LEPR: variants seen among roughly 807,000 people sequenced by gnomAD.
LEPR encodes OB receptor.
In LEPR, 56 loss-of-function variants were observed where a neutral mutation model predicts 114.7. That is an observed-to-expected ratio of 0.49 (90% CI 0.39 to 0.61). The LOEUF (loss-of-function observed/expected upper bound fraction) is 0.61, where lower values mean the gene tolerates loss of function less well. Ranked by LOEUF, LEPR falls within the 20% of genes least tolerant of loss-of-function variation. LEPR has a pLI of 0.00. For missense variants in LEPR, 1,202 were observed against 1,352.9 expected (o/e 0.89, Z 1.75); for synonymous variants, 443 against 461.4 (o/e 0.96, Z 0.51).
chr1:65,481,720 A>T (rs1182367727), intron 2 of LEPR, among the ~76,000 whole-genome samples: 2 of 151,924 alleles, frequency 1.3e-5, no homozygotes, highest in African/African-American at 4.8e-5. Context: ...ATACATCATT[A>T]TCAAGTTCAA....
At chr1:65,546,632 T>A (rs1651752936) in intron 2 of LEPR, among the ~76,000 whole-genome samples, 3 of 152,230 alleles carry the variant, frequency 2.0e-5, no homozygotes, top group Admixed American at 1.3e-4. Context: ...TGTATAAGAA[T>A]GCTTGCGATT....
chr1:65,474,311 C>G (rs570916901), intron 2 of LEPR, among the ~76,000 whole-genome samples: 3 of 152,288 alleles, frequency 2.0e-5, no homozygotes, highest in African/African-American at 7.2e-5. Context: ...TAGCCTTTCC[C>G]CAGTGTACTT....
chr1:65,547,530 T>A (rs1249948885), intron 2 of LEPR, among the ~76,000 whole-genome samples: 2 of 152,020 alleles, frequency 1.3e-5, no homozygotes, highest in Non-Finnish European at 2.9e-5. Flanking sequence ...CCTGATTTAG[T>A]CTTGGGAGAG....
intron 8 of LEPR, among the ~76,000 whole-genome samples, chr1:65,600,318 TG>T (rs939106180): frequency 2.0e-5 from 3 of 152,144 alleles, no homozygotes; most frequent in Middle Eastern, 3.2e-3. Context: ...GTCTGGCTCC[TG>T]TGCAGTAATT....
chr1:65,531,503 T>G (rs1017026812), intron 2 of LEPR, among the ~76,000 whole-genome samples: 24 of 151,970 alleles, frequency 1.6e-4, no homozygotes, highest in African/African-American at 4.8e-4. Flanking sequence ...TAAAATACTG[T>G]GTGACTTTCT....
Position 65,618,739 on chromosome 1 carries a change from A to G in LEPR, c.2395+593A>G, listed in dbSNP as rs182882007. On this transcript the variant is annotated intron_variant, in intron 16 of 19. Coordinates refer to ENST00000349533, the MANE Select transcript of LEPR (RefSeq NM_002303.6). ...ATCATATCATATCAATTTTCTCCTC[A>G]TTTCTTTCTACCATTATTTTTAATG... 9.3e-4 allele frequency among the ~76,000 whole-genome samples: 141 copies of G among 152,062 alleles called. No homozygotes were observed. In the East Asian group the frequency reaches 0.011, roughly 12 times the overall value.
Position 65,601,847 on chromosome 1 carries a change from C to A in LEPR, c.1290C>A (p.Val430=). ...HRYAELYVID[V]NINISCETDG... is the part of the protein sequence containing the mutation. ...ATTTTAATATGTTTCAAATAGATGT[C>A]AATATCAATATCTCATGTGAAACTG... Residue 430 remains valine, a synonymous_variant, in exon 10 of 20, where the codon GTC becomes GTA. Transcript: ENST00000349533. The A allele has an allele frequency of 6.2e-7, 1 of 1,611,734 alleles. No individual in the cohort carries two copies. The highest frequency in any genetic ancestry group is 1.1e-5 in the South Asian group (1 of 90,902).
At position 65,488,226 on chromosome 1, in the gene LEPR, C is replaced by CTCTCTCTCTCTCTCTTTCTT. The variant is rs1553157734; in HGVS notation, c.-21+62851_-21+62852insCTCTCTCTCTCTTTCTTTCT. ...TTTCTTTCTTTCTCTCTCTCTCTCT[C>CTCTCTCTCTCTCTCTTTCTT]TCTTTCTTTCTTTCTTTCTTTCTTT... On this transcript the variant is annotated intron_variant, in intron 2 of 19. Coordinates refer to ENST00000349533, the MANE Select transcript of LEPR (RefSeq NM_002303.6). Among the ~76,000 whole-genome samples the CTCTCTCTCTCTCTCTTTCTT allele has an allele frequency of 3.2e-4, 22 of 67,938 alleles. 2 individuals carry two copies. Among genetic ancestry groups the CTCTCTCTCTCTCTCTTTCTT allele is most frequent in the African/African-American group, 7.0e-4 (8 of 11,440 alleles). 44.6% of individuals were successfully genotyped at this position (67,938 alleles called of 152,430 possible). A position where few individuals can be genotyped will look rare whatever the true frequency, so the allele number is the denominator to read the frequency against.
chr1:65,488,825 A>G (rs919255124), intron 2 of LEPR, among the ~76,000 whole-genome samples: 5 of 151,906 alleles, frequency 3.3e-5, no homozygotes. Flanking sequence ...AATGGGTTCA[A>G]TTGCTTTAAC....
intron 2 of LEPR, among the ~76,000 whole-genome samples, chr1:65,472,358 T>C (rs1463853941): frequency 6.6e-6 from 1 of 150,514 alleles, no homozygotes; most frequent in East Asian, 1.9e-4. Context: ...TCCCCTTCCA[T>C]TTCTTCCCAA....
chr1:65,518,673 A>G (rs1055100966), intron 2 of LEPR, among the ~76,000 whole-genome samples: 6 of 152,162 alleles, frequency 3.9e-5, no homozygotes, highest in African/African-American at 1.4e-4. Context: ...AAATCTCCTC[A>G]GCTATATGCC....
At chr1:65,621,295 G>T in intron 17 of LEPR, 58 bp from the exon 18 acceptor site, 1 of 1,462,232 alleles carries the variant, frequency 6.8e-7, no homozygotes, top group South Asian at 1.2e-5. Context: ...TTTTGATACA[G>T]AAAGAAATTA....
At chr1:65,442,963 TGAG>T (rs932793526) in intron 2 of LEPR, among the ~76,000 whole-genome samples, 1 of 152,156 alleles carries the variant, frequency 6.6e-6, no homozygotes, top group African/African-American at 2.4e-5. Context: ...GCCCCTATCT[TGAG>T]GACCTCATAT....
At chr1:65,540,873 C>T (rs765597173) in intron 2 of LEPR, among the ~76,000 whole-genome samples, 9 of 152,130 alleles carry the variant, frequency 5.9e-5, no homozygotes, top group Non-Finnish European at 8.8e-5. Flanking sequence ...ACTCTGTCAC[C>T]CAGGCTAGAG....
intron 6 of LEPR, among the ~76,000 whole-genome samples, chr1:65,594,421 T>A (rs149636381): frequency 2.3e-4 from 35 of 152,096 alleles, no homozygotes; most frequent in African/African-American, 8.4e-4. Flanking sequence ...TTGGTTTGGA[T>A]CTGTTTGTGA....
intron 5 of LEPR, among the ~76,000 whole-genome samples, chr1:65,587,238 C>A (rs1423261699): frequency 1.3e-5 from 2 of 152,008 alleles, no homozygotes; most frequent in Non-Finnish European, 2.9e-5. Flanking sequence ...TAATACCTTG[C>A]AAGAATGTTT....
At chr1:65,552,344 T>C (rs1295054978) in intron 2 of LEPR, among the ~76,000 whole-genome samples, 1 of 152,178 alleles carries the variant, frequency 6.6e-6, no homozygotes, top group Admixed American at 6.5e-5. Flanking sequence ...GCAGTTTAAG[T>C]CTCTTTGTAG....
At chr1:65,507,478 T>C (rs549794369) in intron 2 of LEPR, among the ~76,000 whole-genome samples, 37 of 145,952 alleles carry the variant, frequency 2.5e-4, no homozygotes, top group Admixed American at 6.2e-4. Context: ...TATATACACA[T>C]ATATATGTAT....
At chr1:65,587,137 TA>T (rs1184339043) in intron 5 of LEPR, among the ~76,000 whole-genome samples, 1 of 152,070 alleles carries the variant, frequency 6.6e-6, no homozygotes, top group African/African-American at 2.4e-5. Flanking sequence ...TTCTATCATT[TA>T]AAATGTTAGC....
Sources: allele counts gnomAD v4.1 joint callset (sites outside exome capture counted in the v4.1 genomes callset), GRCh38; gene constraint gnomAD v4.1.1; transcripts MANE v1.5; gene names NCBI Gene and HGNC (gene_info 2026-07-23, HGNC 2026-07-21).